ANXA6: variants seen among roughly 807,000 people sequenced by gnomAD.
The protein encoded by ANXA6 is annexin A6.
A neutral mutation model predicts 95.4 loss-of-function variants in ANXA6; 71 were observed. That is an observed-to-expected ratio of 0.74 (90% confidence interval 0.61 to 0.91). ANXA6 has a LOEUF of 0.91. Ranked by LOEUF, ANXA6 falls within the 40% of genes least tolerant of loss-of-function variation. The pLI is 0.00. For synonymous variants in ANXA6, 289 were observed against 315.9 expected (o/e 0.91, Z 0.90); for missense variants, 830 against 876.4 (o/e 0.95, Z 0.67).
chr5:151,126,569 CA>C (rs1201022747), intron 13 of ANXA6, 89 bp from the exon 14 acceptor site: 202 of 941,274 alleles, frequency 2.1e-4, no homozygotes, highest in Admixed American at 5.2e-4. Flanking sequence ...CACACACACA[CA>C]CCCCAACACA....
chr5:151,149,059 TAGTCC>T (rs1766041368), intron 1 of ANXA6, among the ~76,000 whole-genome samples: 2 of 151,144 alleles, frequency 1.3e-5, no homozygotes, highest in African/African-American at 4.9e-5. Context: ...CACATGCCTA[TAGTCC>T]CAGCTACTTG....
chr5:151,156,944 G>A (rs1314920726), intron 1 of ANXA6, among the ~76,000 whole-genome samples: 1 of 152,306 alleles, frequency 6.6e-6, no homozygotes, highest in African/African-American at 2.4e-5. Flanking sequence ...AACAGGGGCT[G>A]GGATTCCGAT....
chr5:151,101,257 C>T lies in ANXA6; in HGVS notation c.*191G>A, dbSNP rs761933769. The T allele has an allele frequency of 1.6e-5, 10 of 636,960 alleles. No homozygotes were observed. The highest frequency in any genetic ancestry group is 2.7e-5 in the East Asian group (1 of 36,400). 39.5% of individuals were successfully genotyped at this position (636,960 alleles called of 1,614,324 possible). On this transcript the variant is annotated 3_prime_UTR_variant, in exon 26 of 26. Transcript: ENST00000354546. ...GGCTACGGTTTTTCAGCCGCTCAGC[C>T]GTGCTGGGCCCTCGATGGCCCGTGG... is the stretch of plus-strand genomic sequence containing the variant.
At chr5:151,134,379 C>T (rs1205566550) in intron 8 of ANXA6, 48 bp downstream of exon 8, 3 of 1,602,716 alleles carry the variant, frequency 1.9e-6, no homozygotes, top group Non-Finnish European at 1.7e-6. Flanking sequence ...TCTCCCCTCC[C>T]AAGGCTCTTC....
intron 1 of ANXA6, among the ~76,000 whole-genome samples, chr5:151,149,203 GACAGGAACAC>G (rs1440468212): frequency 9.7e-6 from 1 of 103,340 alleles, no homozygotes; most frequent in Non-Finnish European, 2.0e-5. Flanking sequence ...AAAAAAAAAA[GACAGGAACAC>G]ACAGGAAAAC....
At chr5:151,111,309 C>A (rs1236608393) in intron 20 of ANXA6, among the ~76,000 whole-genome samples, 6 of 152,224 alleles carry the variant, frequency 3.9e-5, no homozygotes, top group Non-Finnish European at 5.9e-5. Flanking sequence ...AGCCTGGGAA[C>A]AAAATACCCA....
At chr5:151,113,533 T>A (rs556437016) in intron 20 of ANXA6, among the ~76,000 whole-genome samples, 1 of 152,270 alleles carries the variant, frequency 6.6e-6, no homozygotes, top group Non-Finnish European at 1.5e-5. Flanking sequence ...GTTTAAAAAA[T>A]TTAACAGAAA....
chr5:151,139,565 T>C, intron 3 of ANXA6, 118 bp from the exon 4 acceptor site: 1 of 715,706 alleles, frequency 1.4e-6, no homozygotes, highest in Non-Finnish European at 2.5e-6. Flanking sequence ...GCATGAGCCT[T>C]CCACTCATCA....
At chr5:151,105,387 C>A in intron 23 of ANXA6, 84 bp from the exon 24 acceptor site, 1 of 1,198,506 alleles carries the variant, frequency 8.3e-7, no homozygotes, top group Non-Finnish European at 1.2e-6. Context: ...CATCTCCCCA[C>A]CTCGTCTATC....
In ANXA6 at chr5:151,108,866, G is replaced by C. The variant is rs544137352; in HGVS notation, c.1685-316C>G. Among the ~76,000 whole-genome samples, 6 of 152,328 alleles carry C rather than the reference G, an allele frequency of 3.9e-5. No homozygotes were observed. In the East Asian group the frequency reaches 1.2e-3, roughly 29 times the overall value. ...AAAAGGAGCACGGGTCCTAGTCATG[G>C]TTCTGCCCCAGCTCACTGAGGGACC... On this transcript the variant is annotated intron_variant, in intron 22 of 25. Transcript: ENST00000354546.
chr5:151,122,978 GTGA>G lies in ANXA6; in HGVS notation c.1169_1171del (p.Ile390del). 6.2e-7 allele frequency: 1 copy of G among 1,613,896 alleles called. No homozygotes were observed. Among genetic ancestry groups the G allele is most frequent in the Non-Finnish European group, 8.5e-7 (1 of 1,179,902 alleles). ...CTGCCGCTGGACATTGCTGCGGTGC[GTGA>G]TGATATCGATGATTGTGTCTTCGTC... On this transcript the variant is annotated inframe_deletion, in exon 16 of 26. Coordinates refer to ENST00000354546, the MANE Select transcript of ANXA6 (RefSeq NM_001155.5).
intron 2 of ANXA6, 34 bp from the exon 3 acceptor site, chr5:151,140,277 C>T (rs769600524): frequency 6.3e-7 from 1 of 1,593,074 alleles, no homozygotes; most frequent in South Asian, 1.1e-5. Context: ...GAGCTGCCAA[C>T]CCCGGACTGA....
rs1357095809 is a variant in ANXA6 at position 151,134,426 on chromosome 5, C to G, written c.546+1G>C. On this transcript the variant is annotated splice_donor_variant, in intron 8 of 25. Coordinates refer to ENST00000354546, the MANE Select transcript of ANXA6 (RefSeq NM_001155.5). LOFTEE classifies it high-confidence loss of function. Reference sequence around the variant, plus strand: ...AGGGACTTTCAGTGGTGCTTGTTTACCTGGACATCCTGTTGTACCAGGTCC... The same window carrying G: ...AGGGACTTTCAGTGGTGCTTGTTTAGCTGGACATCCTGTTGTACCAGGTCC... 2.5e-6 allele frequency: 4 copies of G among 1,613,942 alleles called. No individual in the cohort carries two copies. In the South Asian group the frequency reaches 4.4e-5, roughly 18 times the overall value.
intron 1 of ANXA6, among the ~76,000 whole-genome samples, chr5:151,153,234 T>C (rs1225212889): frequency 6.6e-6 from 1 of 152,258 alleles, no homozygotes. Context: ...TTCCAGAATC[T>C]ATACCAGTGC....
chr5:151,112,700 G>T (rs934169760), intron 20 of ANXA6, among the ~76,000 whole-genome samples: 1 of 152,154 alleles, frequency 6.6e-6, no homozygotes, highest in Admixed American at 6.5e-5. Flanking sequence ...GGCGCACGCC[G>T]TTATTCCCAG....
At chr5:151,122,111 C>T in intron 17 of ANXA6, 36 bp downstream of exon 17, 1 of 1,405,020 alleles carries the variant, frequency 7.1e-7, no homozygotes, top group Non-Finnish European at 9.6e-7. Context: ...CCTATTGGCA[C>T]CCGCAGACAC....
chr5:151,144,530 G>A (rs1179013295), intron 2 of ANXA6, among the ~76,000 whole-genome samples: 1 of 152,132 alleles, frequency 6.6e-6, no homozygotes, highest in African/African-American at 2.4e-5. Context: ...GGGATGCGGA[G>A]AAGAGGGAAG....
At chr5:151,148,699 G>A (rs965980577) in intron 1 of ANXA6, among the ~76,000 whole-genome samples, 3 of 152,208 alleles carry the variant, frequency 2.0e-5, no homozygotes, top group Non-Finnish European at 4.4e-5. Context: ...GCTTGGTCAG[G>A]AAAGTGACAA....
At chr5:151,128,910 T>C (rs1272110690) in intron 12 of ANXA6, among the ~76,000 whole-genome samples, 1 of 151,784 alleles carries the variant, frequency 6.6e-6, no homozygotes, top group Non-Finnish European at 1.5e-5. Context: ...TTGGATCTCT[T>C]TCTCTGTCAC....
Sources: allele counts gnomAD v4.1 joint callset (sites outside exome capture counted in the v4.1 genomes callset), GRCh38; gene constraint gnomAD v4.1.1; transcripts MANE v1.5; gene names NCBI Gene and HGNC (gene_info 2026-07-23, HGNC 2026-07-21).